The following PLEKHG5 variants were observed in gnomAD, a reference collection of about 807,000 sequenced individuals.
PLEKHG5 encodes the protein pleckstrin homology and RhoGEF domain containing G5.
Under a neutral mutation model 103.8 loss-of-function variants are expected in PLEKHG5, and 52 were observed. The observed-to-expected ratio is 0.50, with a 90% CI of 0.40 to 0.63. PLEKHG5 has a LOEUF of 0.63. Among genes scored for constraint, PLEKHG5 ranks in the 30% least tolerant of loss-of-function variants. The probability of loss-of-function intolerance (pLI) is 0.00; values close to 1 mark genes in which losing one functional copy is unlikely to be tolerated. For synonymous variants in PLEKHG5, 592 were observed against 575.5 expected, an observed-to-expected ratio of 1.03 and a Z score of -0.41; for missense variants, 1,205 against 1,347.6, an observed-to-expected ratio of 0.89 and a Z score of 1.66.
chr1:6,467,245 C>G lies in PLEKHG5; in HGVS notation c.*318G>C. 1.5e-5 allele frequency: 8 copies of G among 533,974 alleles called. No individual in the cohort carries two copies. The South Asian group carries it at 1.6e-4, about 11-fold the overall frequency. The allele number at this position is 533,974 out of a possible 1,614,324, so 33.1% of individuals were successfully genotyped here. A position where few individuals can be genotyped will look rare whatever the true frequency, so the allele number is the denominator to read the frequency against. ...AGGTGGGGGCAGGGCAGGAGTGAATCCCACTGGAGGCCAGTGAGGGTAGAA... is the reference window on the plus strand; with the variant it reads ...AGGTGGGGGCAGGGCAGGAGTGAATGCCACTGGAGGCCAGTGAGGGTAGAA... On this transcript the variant is annotated 3_prime_UTR_variant, in exon 21 of 21. Coordinates refer to ENST00000377728, the MANE Select transcript of PLEKHG5 (RefSeq NM_020631.6).
chr1:6,481,862 TAA>T (rs202091933), intron 1 of PLEKHG5, among the ~76,000 whole-genome samples: 6 of 137,202 alleles, frequency 4.4e-5, no homozygotes, highest in Non-Finnish European at 3.1e-5. Flanking sequence ...GACATTATCT[TAA>T]AAAAAAAAAA....
rs757841807 is a variant in PLEKHG5, at chr1:6,469,207, G to A, written c.2084C>T (p.Pro695Leu). ...GCTCTGCAGGGGCTGCTGACTGCCT[G>A]GGGGCTCCTGTGCACGCAGCTGTTG... ...QLQQLRAQEP[P>L]GSQQPLQSLE... is the part of the protein sequence containing the mutation. The change falls in exon 19 of 21, where the codon CCA becomes CTA. Residue 695 changes from proline (P) to leucine (L), a missense_variant. Transcript: ENST00000377728. The A allele has an allele frequency of 1.7e-5, 28 of 1,612,800 alleles. No homozygotes were observed. The South Asian group carries it at 3.1e-4, about 18-fold the overall frequency.
rs1166063704 is a variant in PLEKHG5 at position 6,486,924 on chromosome 1, C to G, written c.-88+4713G>C. On this transcript the variant is annotated intron_variant, in intron 1 of 20. Coordinates refer to ENST00000377728, the MANE Select transcript of PLEKHG5 (RefSeq NM_020631.6). This position sits in a 1 kb window ranked among gnomAD's most constrained non-coding sequence, Gnocchi z 5.3. ...GTGGCCATGCTGTCTGTCATCAGCC[C>G]ACCCACCCCTAATTGCTCCTCCTCC... Among the ~76,000 whole-genome samples, 1 of 152,212 alleles carries G rather than the reference C, an allele frequency of 6.6e-6. No homozygotes were observed. Among genetic ancestry groups the G allele is most frequent in the Non-Finnish European group, 1.5e-5 (1 of 68,040 alleles).
rs536039014 is a variant in PLEKHG5 at position 6,515,343 on chromosome 1, C to T, written c.-165+4102G>A. On this transcript the variant is annotated intron_variant, in intron 1 of 21. Transcript: ENST00000377740. ...GAGATTGAGACCATCCTGGCTAACACGGTGAAACCCCGTCTCTACTACAAA... is the reference window on the plus strand; with the variant it reads ...GAGATTGAGACCATCCTGGCTAACATGGTGAAACCCCGTCTCTACTACAAA... 3.0e-4 allele frequency among the ~76,000 whole-genome samples: 46 copies of T among 151,962 alleles called. No individual in the cohort carries two copies. The East Asian group carries it at 3.9e-3, about 13-fold the overall frequency.
chr1:6,519,085 G>A (rs557772314), intron 1 of PLEKHG5, among the ~76,000 whole-genome samples: 18 of 152,258 alleles, frequency 1.2e-4, no homozygotes, highest in African/African-American at 2.9e-4. Flanking sequence ...CTTGTGATCC[G>A]CCTGCCTCGG....
Position 6,467,934 on chromosome 1 carries a change from C to T in PLEKHG5, c.2902G>A (p.Val968Ile), listed in dbSNP as rs1204998017. 6.3e-7 allele frequency: 1 copy of T among 1,587,180 alleles called. No individual in the cohort carries two copies. The highest frequency in any genetic ancestry group is 1.3e-5 in the African/African-American group (1 of 74,190). Residue 968 changes from valine to isoleucine, a missense_variant, in exon 20 of 21, where the codon GTC becomes ATC. Transcript: ENST00000377728. The stretch of plus-strand genomic sequence containing the variant: ...ACCCCTGGTGGGGGCTCAGGCTGGA[C>T]CCTGGGAGAGGCCCCCGAGGGCAGG... ...GDLPSGASPR[V>I]QPEPPPGVSA...
chr1:6,470,198 A>C lies in PLEKHG5; in HGVS notation c.1800+38T>G, dbSNP rs147255674. On this transcript the variant is annotated intron_variant, in intron 16 of 20. Transcript: ENST00000377728. ...GACTGGGGCCCAGGAGGTCCCTAGG[A>C]AGGGCAGGGCACAGGGGTGGGGTGG... The C allele has an allele frequency of 2.5e-6, 4 of 1,609,482 alleles. No individual in the cohort carries two copies. In the East Asian group the frequency reaches 6.7e-5, roughly 27 times the overall value.
At chr1:6,510,844 T>C (rs1001842752) in intron 1 of PLEKHG5, among the ~76,000 whole-genome samples, 121 of 152,274 alleles carry the variant, frequency 7.9e-4, no homozygotes, top group African/African-American at 2.9e-3. Flanking sequence ...CCCAGCACTT[T>C]GGGAGGCCAA....
intron 1 of PLEKHG5, among the ~76,000 whole-genome samples, chr1:6,488,177 T>C (rs978036872): frequency 6.6e-6 from 1 of 152,240 alleles, no homozygotes; most frequent in African/African-American, 2.4e-5. Context: ...GCATTCCATG[T>C]GCCACCCCAT....
upstream of PLEKHG5, among the ~76,000 whole-genome samples, chr1:6,493,698 C>T (rs930872107): frequency 6.6e-6 from 1 of 152,180 alleles, no homozygotes; most frequent in African/African-American, 2.4e-5. Context: ...CTCTGTTGCC[C>T]AGGCTGGAGT....
chr1:6,514,365 G>A (rs968329458), intron 1 of PLEKHG5, among the ~76,000 whole-genome samples: 5 of 151,956 alleles, frequency 3.3e-5, no homozygotes, highest in Non-Finnish European at 7.4e-5. Context: ...TACGGAAGAG[G>A]ATGACTTGAG....
intron 1 of PLEKHG5, among the ~76,000 whole-genome samples, chr1:6,480,006 C>T (rs1419592209): frequency 1.3e-5 from 2 of 152,126 alleles, no homozygotes; most frequent in South Asian, 2.1e-4. Context: ...TCAAACTGAG[C>T]GTTCAGGCGG....
chr1:6,467,390 C>T lies in PLEKHG5; in HGVS notation c.*173G>A, dbSNP rs1557732719. 1 of 779,214 alleles carries T rather than the reference C, an allele frequency of 1.3e-6. No homozygotes were observed. The highest frequency in any genetic ancestry group is 1.7e-5 in the African/African-American group (1 of 59,486). The allele number at this position is 779,214 out of a possible 1,614,324, so 48.3% of individuals were successfully genotyped here. A position where few individuals can be genotyped will look rare whatever the true frequency, so the allele number is the denominator to read the frequency against. ...GTGGTACTGTGGCCTGGGCCTCCTC[C>T]ACTCCATCCAGTCCGGCAAAGCGCA... is the stretch of plus-strand genomic sequence containing the variant. On this transcript the variant is annotated 3_prime_UTR_variant, in exon 21 of 21. Transcript: ENST00000377728.
intron 1 of PLEKHG5, among the ~76,000 whole-genome samples, chr1:6,511,046 G>A (rs1014911919): frequency 1.3e-5 from 2 of 151,850 alleles, no homozygotes; most frequent in Non-Finnish European, 1.5e-5. Flanking sequence ...CCGAGATCGC[G>A]CCACTACACT....
chr1:6,504,171 G>C (rs1043876128), intron 1 of PLEKHG5, among the ~76,000 whole-genome samples: 2 of 152,158 alleles, frequency 1.3e-5, no homozygotes, highest in Non-Finnish European at 1.5e-5. Context: ...AAGCTGCCGG[G>C]TGAAGAAATA....
intron 1 of PLEKHG5, among the ~76,000 whole-genome samples, chr1:6,506,470 A>C (rs1303187910): frequency 1.3e-5 from 2 of 152,224 alleles, no homozygotes; most frequent in Non-Finnish European, 2.9e-5. Flanking sequence ...TCTGGGGACG[A>C]CAGAGGCCCG....
intron 10 of PLEKHG5, 136 bp downstream of exon 10, chr1:6,472,391 G>A (rs538485097): frequency 3.9e-5 from 28 of 722,172 alleles, no homozygotes; most frequent in Middle Eastern, 7.1e-4. Context: ...CTCCCTGGGC[G>A]CAGCCCTTGT....
At chr1:6,516,866 G>GTA (rs1181957258) in intron 1 of PLEKHG5, among the ~76,000 whole-genome samples, 3,166 of 25,776 alleles carry the variant, frequency 0.12, 104 homozygotes, top group African/African-American at 0.17. Flanking sequence ...GTATATATGT[G>GTA]TATATATATA....
intron 1 of PLEKHG5, among the ~76,000 whole-genome samples, chr1:6,482,098 C>T (rs1644917342): frequency 6.6e-6 from 1 of 152,012 alleles, no homozygotes; most frequent in Admixed American, 6.6e-5. Flanking sequence ...GATGCTTTTC[C>T]CCAGATATTG....
Sources: gnomAD v4.1 joint callset for allele counts (sites outside exome capture counted in the v4.1 genomes callset) on GRCh38, gnomAD v4.1.1 for gene constraint, Gnocchi (gnomAD v3.1) non-coding constraint, MANE v1.5 for transcripts, NCBI Gene and HGNC (gene_info 2026-07-23, HGNC 2026-07-21) for gene names.